The following ZSCAN20 variants were observed in gnomAD, a reference collection of about 807,000 sequenced individuals.
ZSCAN20 encodes zinc finger and SCAN domain-containing protein 20.
A neutral mutation model predicts 97.1 loss-of-function variants in ZSCAN20; 39 were observed. The ratio of observed to expected loss-of-function variants is 0.40; its 90% CI spans 0.31 to 0.52. ZSCAN20 has a LOEUF of 0.52. Ranked by LOEUF, ZSCAN20 falls within the 20% of genes least tolerant of loss-of-function variation. The pLI is 0.49. For synonymous variants in ZSCAN20, 456 were observed against 467.3 expected, an observed-to-expected ratio of 0.98 and a Z score of 0.31; for missense variants, 1,115 against 1,290.4, an observed-to-expected ratio of 0.86 and a Z score of 2.08.
At chr1:33,472,868 A>T (rs1347544096) in intron 1 of ZSCAN20, among the ~76,000 whole-genome samples, 177 bp downstream of exon 1, 1 of 151,480 alleles carries the variant, frequency 6.6e-6, no homozygotes, top group African/African-American at 2.4e-5. Context: ...GAAGGGTCAT[A>T]CAGGGGTCGG....
chr1:33,486,435 GGTTT>G (rs1350136490), intron 2 of ZSCAN20, among the ~76,000 whole-genome samples: 1 of 152,166 alleles, frequency 6.6e-6, no homozygotes, highest in Admixed American at 6.5e-5. Context: ...TGGGGAGAAT[GGTTT>G]GCCCTGTGAC....
intron 7 of ZSCAN20, 70 bp from the exon 8 acceptor site, chr1:33,494,148 G>A: frequency 7.2e-7 from 1 of 1,389,258 alleles, no homozygotes; most frequent in Non-Finnish European, 9.8e-7. Context: ...GTACAATACA[G>A]ACACACACAA....
chr1:33,488,666 G>T lies in ZSCAN20; in HGVS notation c.604+15G>T. On this transcript the variant is annotated intron_variant, in intron 3 of 7. Transcript: ENST00000684572. ...GAAAGAGAGTGGTGAGTACATCTGAGAACATTAGGGAATGAGGCCTTCTGC... is the reference window on the plus strand; with the variant it reads ...GAAAGAGAGTGGTGAGTACATCTGATAACATTAGGGAATGAGGCCTTCTGC... 1.2e-6 allele frequency: 2 copies of T among 1,600,884 alleles called. No homozygotes were observed. The highest frequency in any genetic ancestry group is 2.2e-5 in the East Asian group (1 of 44,690).
rs1430398479 is a variant in ZSCAN20, at chr1:33,479,201, T to C, written c.-88T>C. 2 of 1,424,314 alleles carry C rather than the reference T, an allele frequency of 1.4e-6. No individual in the cohort carries two copies. Among genetic ancestry groups the C allele is most frequent in the Admixed American group, 2.3e-5 (1 of 44,356 alleles). 88.2% of individuals were successfully genotyped at this position (1,424,314 alleles called of 1,614,324 possible). A position where few individuals can be genotyped will look rare whatever the true frequency, so the allele number is the denominator to read the frequency against. On this transcript the variant is annotated 5_prime_UTR_variant, in exon 2 of 8. Transcript: ENST00000684572. ...TAGAGCCTTGGGGAGCAGTCCCTTT[T>C]CTAGGAGCCTCTTGAAGGACTCACC...
rs748857005 is a variant in ZSCAN20, at chr1:33,488,615, A to G, written c.568A>G (p.Asn190Asp). 1 of 1,613,118 alleles carries G rather than the reference A, an allele frequency of 6.2e-7. No homozygotes were observed. The highest frequency in any genetic ancestry group is 8.5e-7 in the Non-Finnish European group (1 of 1,179,712). The change falls in exon 3 of 8, where the codon AAT becomes GAT. Residue 190 changes from asparagine to aspartate, a missense_variant. Asn to Asp is a conservative substitution (Grantham distance 23, BLOSUM62 1). Coordinates refer to ENST00000684572, the MANE Select transcript of ZSCAN20 (RefSeq NM_001377376.1). ...ATGCCCTGACCTTCCCAATCACCTA[A>G]ATGCCGAGGTGGCACCACAGCCTTT... ...NTCPDLPNHL[N>D]AEVAPQPLKE...
chr1:33,484,911 C>T (rs962412336), intron 2 of ZSCAN20, among the ~76,000 whole-genome samples: 3 of 152,148 alleles, frequency 2.0e-5, no homozygotes, highest in South Asian at 2.1e-4. Flanking sequence ...TGAGCCACCA[C>T]ACCCAGCTGA....
intron 1 of ZSCAN20, among the ~76,000 whole-genome samples, chr1:33,478,138 A>C (rs899610723): frequency 6.6e-6 from 1 of 152,124 alleles, no homozygotes; most frequent in African/African-American, 2.4e-5. Context: ...GAAATGGTAG[A>C]TCACTGGAGG....
At chr1:33,490,569 G>C (rs994691283) in intron 5 of ZSCAN20, among the ~76,000 whole-genome samples, 1 of 151,598 alleles carries the variant, frequency 6.6e-6, no homozygotes, top group Admixed American at 6.6e-5. Context: ...TCATATTAAA[G>C]CTGTTTTGTT....
Position 33,485,222 on chromosome 1 carries a change from T to G in ZSCAN20, c.418-3243T>G, listed in dbSNP as rs552136022. On this transcript the variant is annotated intron_variant, in intron 2 of 7. Transcript: ENST00000684572. ...TTCAGATTGTTTATTTTTGTGTGAG[T>G]TTTGGCAGATGGGGTGGGTAAAGGA... Among the ~76,000 whole-genome samples the G allele has an allele frequency of 8.5e-5, 13 of 152,250 alleles. No individual in the cohort carries two copies. The East Asian group carries it at 1.2e-3, about 14-fold the overall frequency.
chr1:33,489,303 C>T (rs186343013), intron 4 of ZSCAN20, 112 bp downstream of exon 4: 9 of 1,221,684 alleles, frequency 7.4e-6, no homozygotes, highest in Non-Finnish European at 9.3e-6. Context: ...GCATGAGGCC[C>T]AGGGTGTTAG....
In ZSCAN20 at chr1:33,495,188, A is replaced by G. The variant is rs758526822; in HGVS notation, c.2844A>G (p.Thr948=). Residue 948 remains threonine (T), a synonymous_variant, in exon 8 of 8, where the codon ACA becomes ACG. Transcript: ENST00000684572. ...TCAGTGAGCGCTCCAAGCTCATCAC[A>G]CACCAGAGAGTGCACACAGGAGAGA... ...KCFSERSKLI[T]HQRVHTGEKP... The G allele has an allele frequency of 5.0e-6, 8 of 1,606,868 alleles. No individual in the cohort carries two copies. The African/African-American group carries it at 9.4e-5, about 19-fold the overall frequency.
rs527857758 is a variant in ZSCAN20, at chr1:33,500,765, A to C, written c.*5289A>C. Among the ~76,000 whole-genome samples the C allele has an allele frequency of 1.3e-5, 2 of 151,762 alleles. No homozygotes were observed. The highest frequency in any genetic ancestry group is 3.9e-4 in the East Asian group (2 of 5,112). ...GGGAAGGGGGATCAGGAAAACAAGAATCAGTCTCTAAGCTGGTCCTGGAGC... is the reference window on the plus strand; with the variant it reads ...GGGAAGGGGGATCAGGAAAACAAGACTCAGTCTCTAAGCTGGTCCTGGAGC... On this transcript the variant is annotated 3_prime_UTR_variant, in exon 8 of 8. Transcript: ENST00000684572.
chr1:33,492,494 G>A (rs1652659288), intron 6 of ZSCAN20: 1 of 152,190 alleles, frequency 6.6e-6, no homozygotes, highest in South Asian at 2.1e-4. Context: ...AGAATTTATG[G>A]CCAGGTGCGG....
In ZSCAN20 at chr1:33,493,268, C is replaced by T. The variant is rs749936141; in HGVS notation, c.1526C>T (p.Thr509Ile). Residue 509 changes from threonine (T) to isoleucine (I), a missense_variant, in exon 7 of 8, where the codon ACC becomes ATC. This residue lies in a region of ZSCAN20 where 53 missense variants were observed against 94.3 expected (regional missense o/e 0.56). Transcript: ENST00000684572. This position sits in a 1 kb window ranked among gnomAD's most constrained non-coding sequence, Gnocchi z 4.3. ...SESPFSEKLR[T>I]CHQNSQVYRA... ...TCCCCATTCTCGGAAAAGCTTCGTA[C>T]CTGTCACCAGAACAGCCAGGTGTAC... The T allele has an allele frequency of 1.2e-6, 2 of 1,614,094 alleles. No homozygotes were observed. Among genetic ancestry groups the T allele is most frequent in the South Asian group, 1.1e-5 (1 of 91,082 alleles).
rs1256690284 is a variant in ZSCAN20, at chr1:33,495,191, C to T, written c.2847C>T (p.His949=). 1.2e-6 allele frequency: 2 copies of T among 1,600,906 alleles called. No homozygotes were observed. The highest frequency in any genetic ancestry group is 1.7e-5 in the Admixed American group (1 of 58,040). The change falls in exon 8 of 8, where the codon CAC becomes CAT. Residue 949 remains histidine, a synonymous_variant. Transcript: ENST00000684572. ...CFSERSKLIT[H]QRVHTGEKPY... The stretch of plus-strand genomic sequence containing the variant: ...GTGAGCGCTCCAAGCTCATCACACA[C>T]CAGAGAGTGCACACAGGAGAGAAGC...
chr1:33,494,943 A>T lies in ZSCAN20; in HGVS notation c.2599A>T (p.Ser867Cys). Residue 867 changes from serine (S) to cysteine (C), a missense_variant, in exon 8 of 8, where the codon AGC becomes TGC. Around this residue, in one of 3 missense-constraint regions of ZSCAN20, gnomAD observed 554 missense variants for 584.9 expected, o/e 0.95. Transcript: ENST00000684572. ...SKDLNSPGPH[S>C]TNSGEKLYEC... ...GGACTTGAATTCTCCTGGACCACAC[A>T]GCACAAACTCAGGGGAGAAACTTTA... The T allele has an allele frequency of 1.2e-6, 2 of 1,614,228 alleles. No individual in the cohort carries two copies. Among genetic ancestry groups the T allele is most frequent in the Non-Finnish European group, 1.7e-6 (2 of 1,180,046 alleles).
At chr1:33,490,038 C>A (rs559574571) in intron 5 of ZSCAN20, among the ~76,000 whole-genome samples, 2 of 152,316 alleles carry the variant, frequency 1.3e-5, no homozygotes, top group South Asian at 4.1e-4. Flanking sequence ...GCAGCACAGA[C>A]TCCTTTCTAT....
At position 33,497,208 on chromosome 1, in the gene ZSCAN20, T is replaced by C. The variant is rs1016033097; in HGVS notation, c.*1732T>C. On this transcript the variant is annotated 3_prime_UTR_variant, in exon 8 of 8. Transcript: ENST00000684572. ...ATCCCTTCTTAACCCCTTCCCCTGC[T>C]TCAGAACCTCCTTTCCCAAGAACCA... Among the ~76,000 whole-genome samples the C allele has an allele frequency of 2.0e-4, 30 of 152,178 alleles. No homozygotes were observed. The highest frequency in any genetic ancestry group is 6.8e-4 in the African/African-American group (28 of 41,442).
At chr1:33,474,275 T>C (rs970197066) in intron 1 of ZSCAN20, among the ~76,000 whole-genome samples, 4 of 152,256 alleles carry the variant, frequency 2.6e-5, no homozygotes, top group Admixed American at 1.3e-4. Flanking sequence ...TAAGCCCTTA[T>C]GTGTGAGGTC....
Sources: gnomAD v4.1 joint callset for allele counts (sites outside exome capture counted in the v4.1 genomes callset) on GRCh38, gnomAD v4.1.1 for gene constraint, gnomAD v4.1.1 regional missense constraint, Gnocchi (gnomAD v3.1) non-coding constraint, MANE v1.5 for transcripts, NCBI Gene and HGNC (gene_info 2026-07-23, HGNC 2026-07-21) for gene names.